The following SDK1 variants were observed in gnomAD, a reference collection of about 807,000 sequenced individuals.
SDK1 encodes the protein sidekick cell adhesion molecule 1, also known as protein sidekick-1.
A neutral mutation model predicts 245.5 loss-of-function variants in SDK1; 157 were observed. That is an observed-to-expected ratio of 0.64 (90% confidence interval 0.56 to 0.73). SDK1 has a LOEUF of 0.73. Among genes scored for constraint, SDK1 ranks in the 30% least tolerant of loss-of-function variants. The pLI is 0.00. For synonymous variants in SDK1, 1,647 were observed against 1,278.5 expected (o/e 1.29, Z -6.15); for missense variants, 3,583 against 3,002.3 (o/e 1.19, Z -4.52).
Position 4,008,089 on chromosome 7 carries a change from C to T in SDK1, c.2132-2877C>T, listed in dbSNP as rs146259447. On this transcript the variant is annotated intron_variant, in intron 14 of 44. Transcript: ENST00000404826. ...GTTGCCCTTTCCCCTGCTCCTCCTA[C>T]TTTCTGTCTCTGTGAATTTGTTCTA... 1.0e-3 allele frequency among the ~76,000 whole-genome samples: 153 copies of T among 152,296 alleles called. 2 individuals carry two copies. Among genetic ancestry groups the T allele is most frequent in the South Asian group, 4.2e-3 (20 of 4,816 alleles).
intron 1 of SDK1, among the ~76,000 whole-genome samples, chr7:3,416,207 C>T (rs1779361071): frequency 6.6e-6 from 1 of 152,010 alleles, no homozygotes; most frequent in Non-Finnish European, 1.5e-5. Context: ...TCAAATTACA[C>T]AGCTTAGGTA....
chr7:3,864,213 C>T (rs1366518954), intron 5 of SDK1, among the ~76,000 whole-genome samples: 1 of 152,158 alleles, frequency 6.6e-6, no homozygotes, highest in East Asian at 1.9e-4. Flanking sequence ...AATATGTTTA[C>T]ACATAGAAGA....
At chr7:3,341,883 A>G (rs1415926351) in intron 1 of SDK1, among the ~76,000 whole-genome samples, 2 of 152,220 alleles carry the variant, frequency 1.3e-5, no homozygotes, top group African/African-American at 2.4e-5. Context: ...TGCAGTTCCT[A>G]TATAAAATCC....
intron 4 of SDK1, among the ~76,000 whole-genome samples, chr7:3,678,783 C>G (rs1783998289): frequency 2.0e-5 from 3 of 152,162 alleles, no homozygotes; most frequent in African/African-American, 4.8e-5. Context: ...TGATAGATTT[C>G]AGGCATATTT....
chr7:3,557,252 T>C (rs1417074887), intron 1 of SDK1, among the ~76,000 whole-genome samples: 1 of 152,092 alleles, frequency 6.6e-6, no homozygotes, highest in Admixed American at 6.6e-5. Context: ...ATATCAAGAA[T>C]GAAATGGGAC....
At chr7:3,440,225 A>G (rs1220474711) in intron 1 of SDK1, among the ~76,000 whole-genome samples, 1 of 152,306 alleles carries the variant, frequency 6.6e-6, no homozygotes, top group African/African-American at 2.4e-5. Context: ...CAAAGGAAGG[A>G]TGGAGCTTTT....
At chr7:3,584,324 C>G (rs1467531468) in intron 1 of SDK1, among the ~76,000 whole-genome samples, 3 of 152,158 alleles carry the variant, frequency 2.0e-5, no homozygotes, top group African/African-American at 4.8e-5. Flanking sequence ...CTTCCTCCTC[C>G]TTGCCTGGCG....
intron 4 of SDK1, among the ~76,000 whole-genome samples, chr7:3,712,636 A>G (rs969772819): frequency 1.3e-5 from 2 of 152,202 alleles, no homozygotes; most frequent in African/African-American, 4.8e-5. Context: ...GTTGTTTTAA[A>G]GATGGATAGG....
At chr7:4,084,824 A>G (rs993739193) in intron 22 of SDK1, among the ~76,000 whole-genome samples, 7 of 151,866 alleles carry the variant, frequency 4.6e-5, no homozygotes, top group Non-Finnish European at 8.8e-5. Flanking sequence ...CTGGAGTGCA[A>G]TGGCACGATC....
intron 1 of SDK1, among the ~76,000 whole-genome samples, chr7:3,359,991 A>T (rs1000237013): frequency 1.3e-5 from 2 of 152,198 alleles, no homozygotes; most frequent in African/African-American, 2.4e-5. Context: ...GTTTGTAAGC[A>T]AAATATTACA....
chr7:3,742,089 T>G (rs1420696435), intron 4 of SDK1, among the ~76,000 whole-genome samples: 1 of 150,720 alleles, frequency 6.6e-6, no homozygotes, highest in Non-Finnish European at 1.5e-5. Context: ...GGGGGAGCAG[T>G]TTAAATTTTG....
chr7:3,454,136 C>G (rs946552853), intron 1 of SDK1, among the ~76,000 whole-genome samples: 1 of 151,856 alleles, frequency 6.6e-6, no homozygotes, highest in Non-Finnish European at 1.5e-5. Context: ...AACTTGGACC[C>G]GAGATCAATT....
chr7:3,607,065 A>G (rs991961559), intron 1 of SDK1, among the ~76,000 whole-genome samples: 4 of 152,206 alleles, frequency 2.6e-5, no homozygotes, highest in African/African-American at 7.2e-5. Context: ...ACTTCTCTCA[A>G]TAGTGTAATG....
intron 22 of SDK1, among the ~76,000 whole-genome samples, chr7:4,082,859 G>C (rs988659102): frequency 6.6e-6 from 1 of 152,060 alleles, no homozygotes; most frequent in African/African-American, 2.4e-5. Flanking sequence ...GAGTTCAAGC[G>C]ATCTGTCAGC....
chr7:3,656,405 T>G (rs1379854455), intron 4 of SDK1, among the ~76,000 whole-genome samples: 1 of 152,192 alleles, frequency 6.6e-6, no homozygotes, highest in East Asian at 1.9e-4. Flanking sequence ...GGTCATTTGT[T>G]CCTCTGACAA....
At chr7:3,347,065 C>A (rs890332243) in intron 1 of SDK1, among the ~76,000 whole-genome samples, 3 of 151,360 alleles carry the variant, frequency 2.0e-5, no homozygotes, top group Admixed American at 1.3e-4. Context: ...TCTTGCTGTT[C>A]CCTGAAAGAC....
chr7:3,431,779 T>C (rs1460889124), intron 1 of SDK1, among the ~76,000 whole-genome samples: 1 of 152,156 alleles, frequency 6.6e-6, no homozygotes, highest in Admixed American at 6.5e-5. Context: ...TGTCTTCATA[T>C]GTAAAATGGG....
chr7:3,431,819 A>T (rs1486137333), intron 1 of SDK1, among the ~76,000 whole-genome samples: 7 of 152,162 alleles, frequency 4.6e-5, no homozygotes, highest in Non-Finnish European at 1.0e-4. Context: ...AGGTGCATTC[A>T]TATGTGAGCA....
intron 4 of SDK1, among the ~76,000 whole-genome samples, chr7:3,811,960 G>A (rs1265848281): frequency 1.3e-5 from 2 of 152,198 alleles, no homozygotes; most frequent in Non-Finnish European, 1.5e-5. Context: ...TGCTGCCTGT[G>A]TGGCGTATCT....
Sources: gnomAD v4.1 joint callset for allele counts (sites outside exome capture counted in the v4.1 genomes callset) on GRCh38, gnomAD v4.1.1 for gene constraint, MANE v1.5 for transcripts, NCBI Gene and HGNC (gene_info 2026-07-23, HGNC 2026-07-21) for gene names.